Variants in CCKBR observed in about 807,000 individuals in gnomAD.
CCKBR encodes the protein cholecystokinin B receptor, also known as gastrin/cholecystokinin type B receptor.
A neutral mutation model predicts 34.6 loss-of-function variants in CCKBR; 33 were observed. That is an observed-to-expected ratio of 0.95 (90% confidence interval 0.72 to 1.27). The LOEUF is 1.27. Among genes scored for constraint, CCKBR ranks in the 50% most tolerant of loss-of-function variants. CCKBR has a pLI of 0.00. For synonymous variants in CCKBR, 269 were observed against 267.5 expected, an observed-to-expected ratio of 1.01 and a Z score of -0.06; for missense variants, 652 against 617.4, an observed-to-expected ratio of 1.06 and a Z score of -0.59.
intron 1 of CCKBR, 61 bp from the exon 2 acceptor site, chr11:6,269,608 A>T (rs1226064355): frequency 1.9e-6 from 3 of 1,579,626 alleles, no homozygotes. Context: ...AGACGGAAGG[A>T]GGGGGATTTG....
intron 1 of CCKBR, among the ~76,000 whole-genome samples, chr11:6,268,862 A>G (rs1848246651): frequency 6.6e-6 from 1 of 152,262 alleles, no homozygotes; most frequent in Non-Finnish European, 1.5e-5. Context: ...AGTCAATTTG[A>G]GTCTTGACCA....
rs201100175 is a variant in CCKBR at position 6,271,705 on chromosome 11, A to G, written c.*162A>G. 1.5e-5 allele frequency: 10 copies of G among 682,414 alleles called. No individual in the cohort carries two copies. The highest frequency in any genetic ancestry group is 2.4e-5 in the Non-Finnish European group (10 of 415,038). The allele number at this position is 682,414 out of a possible 1,614,324, so 42.3% of individuals were successfully genotyped here. A position where few individuals can be genotyped will look rare whatever the true frequency, so the allele number is the denominator to read the frequency against. ...TAGCTTACCTGACACAAGAGGAATA[A>G]GAATGGAGCAGTACATGGGAAAGGA... On this transcript the variant is annotated 3_prime_UTR_variant, in exon 5 of 5. Coordinates refer to ENST00000334619, the MANE Select transcript of CCKBR (RefSeq NM_176875.4).
At chr11:6,268,291 C>T (rs955905836) in intron 1 of CCKBR, among the ~76,000 whole-genome samples, 3 of 152,176 alleles carry the variant, frequency 2.0e-5, no homozygotes, top group Non-Finnish European at 4.4e-5. Context: ...GGGGCTGCAG[C>T]TTTGAGGCTT....
intron 3 of CCKBR, 86 bp from the exon 4 acceptor site, chr11:6,270,559 GC>G (rs1335071032): frequency 8.2e-6 from 12 of 1,472,012 alleles, no homozygotes; most frequent in Admixed American, 2.0e-5. Context: ...CCTGGCCACA[GC>G]CCTAGAAACA....
At chr11:6,263,986 G>C (rs146269306) in intron 1 of CCKBR, among the ~76,000 whole-genome samples, 44 of 152,118 alleles carry the variant, frequency 2.9e-4, no homozygotes, top group African/African-American at 9.9e-4. Flanking sequence ...ATTAACCCTT[G>C]CTCTTTCAAA....
Position 6,260,043 on chromosome 11 carries a change from T to G in CCKBR, c.115T>G (p.Cys39Gly), listed in dbSNP as rs539605126. Reference protein sequence around the residue: ...LNSSSVGNLSCEPPRIRGAGT... With the variant: ...LNSSSVGNLSGEPPRIRGAGT... ...CAGCAGCAGTGTGGGCAACCTCAGC[T>G]GCGAGCCCCCTCGCATTCGCGGAGC... The change falls in exon 1 of 5, where the codon TGC (cysteine) becomes GGC (glycine). Residue 39 changes from cysteine (C) to glycine (G), a missense_variant. Physicochemically the swap from Cys to Gly is radical, Grantham distance 159. Coordinates refer to ENST00000334619, the MANE Select transcript of CCKBR (RefSeq NM_176875.4). The G allele has an allele frequency of 3.6e-5, 58 of 1,596,322 alleles. No individual in the cohort carries two copies. Among genetic ancestry groups the G allele is most frequent in the Non-Finnish European group, 4.4e-5 (52 of 1,173,376 alleles).
chr11:6,268,769 A>C (rs1234000012), intron 1 of CCKBR, among the ~76,000 whole-genome samples: 3 of 152,224 alleles, frequency 2.0e-5, no homozygotes, highest in Non-Finnish European at 1.5e-5. Flanking sequence ...AATAGGCTGT[A>C]ATAGTTGTGT....
chr11:6,264,632 A>T, intron 1 of CCKBR: 1 of 678,840 alleles, frequency 1.5e-6, no homozygotes, highest in South Asian at 1.6e-5. Context: ...GTACCCCAGC[A>T]GGTGCTATCT....
chr11:6,266,591 G>C lies in CCKBR; in HGVS notation c.152-3078G>C, dbSNP rs116295963. Among the ~76,000 whole-genome samples, 1,189 of 152,282 alleles carry C rather than the reference G, an allele frequency of 7.8e-3. 9 individuals carry two copies. The highest frequency in any genetic ancestry group is 0.027 in the African/African-American group (1,120 of 41,556). Reference sequence around the variant, plus strand: ...AAACAGTAGGAGGCAAAGCACATTAGGGATCAGGGACTTGGCTTCTATTCT... The same window carrying C: ...AAACAGTAGGAGGCAAAGCACATTACGGATCAGGGACTTGGCTTCTATTCT... On this transcript the variant is annotated intron_variant, in intron 1 of 4. Coordinates refer to ENST00000334619, the MANE Select transcript of CCKBR (RefSeq NM_176875.4).
At chr11:6,263,837 C>G (rs910176291) in intron 1 of CCKBR, among the ~76,000 whole-genome samples, 1 of 152,212 alleles carries the variant, frequency 6.6e-6, no homozygotes. Context: ...ACTACCCATA[C>G]ATACTTGGAT....
rs201876764 is a variant in CCKBR, at chr11:6,271,347, C to T, written c.1148C>T (p.Ala383Val). The T allele has an allele frequency of 1.2e-6, 2 of 1,614,176 alleles. No homozygotes were observed. The highest frequency in any genetic ancestry group is 1.7e-6 in the Non-Finnish European group (2 of 1,180,022). ...ATTCACTTGCTGAGCTACGCCTCGG[C>T]CTGTGTCAACCCCCTGGTCTACTGC... ...SFIHLLSYAS[A>V]CVNPLVYCFM... The change falls in exon 5 of 5, where the codon GCC (alanine) becomes GTC (valine). Residue 383 changes from alanine (A) to valine (V), a missense_variant. Transcript: ENST00000334619.
intron 1 of CCKBR, among the ~76,000 whole-genome samples, chr11:6,260,725 T>C (rs1848117304): frequency 6.6e-6 from 1 of 152,214 alleles, no homozygotes; most frequent in Non-Finnish European, 1.5e-5. Context: ...CCCTCTCTCT[T>C]TGTCTGCAAG....
At chr11:6,269,370 G>A in intron 1 of CCKBR, among the ~76,000 whole-genome samples, 1 of 152,140 alleles carries the variant, frequency 6.6e-6, no homozygotes, top group East Asian at 1.9e-4. Flanking sequence ...GGAATGAAGA[G>A]TAAATGAGAA....
At chr11:6,261,489 A>ACACACC (rs1208202787) in intron 1 of CCKBR, among the ~76,000 whole-genome samples, 5 of 147,470 alleles carry the variant, frequency 3.4e-5, no homozygotes, top group African/African-American at 9.9e-5. Flanking sequence ...ACACACACAC[A>ACACACC]CACACACACA....
chr11:6,271,315 C>A lies in CCKBR; in HGVS notation c.1116C>A (p.Ile372=). Residue 372 remains isoleucine, a synonymous_variant, in exon 5 of 5, where the codon ATC becomes ATA. Transcript: ENST00000334619. ...GAHRALSGAP[I]SFIHLLSYAS... Reference sequence around the variant, plus strand: ...ACCGAGCACTCTCGGGTGCTCCTATCTCCTTCATTCACTTGCTGAGCTACG... The same window carrying A: ...ACCGAGCACTCTCGGGTGCTCCTATATCCTTCATTCACTTGCTGAGCTACG... 6.2e-7 allele frequency: 1 copy of A among 1,614,232 alleles called. No homozygotes were observed. Among genetic ancestry groups the A allele is most frequent in the South Asian group, 1.1e-5 (1 of 91,092 alleles).
At chr11:6,270,519 C>T (rs1848283136) in intron 3 of CCKBR, 127 bp from the exon 4 acceptor site, 4 of 1,361,098 alleles carry the variant, frequency 2.9e-6, no homozygotes, top group Admixed American at 2.2e-5. Flanking sequence ...TTCCCAGCGG[C>T]ACCCCCAAAT....
intron 1 of CCKBR, among the ~76,000 whole-genome samples, chr11:6,266,105 G>A (rs1848205537): frequency 6.6e-6 from 1 of 152,178 alleles, no homozygotes; most frequent in Non-Finnish European, 1.5e-5. Flanking sequence ...GGGGAAGACA[G>A]AGAATTACAT....
Position 6,271,097 on chromosome 11 carries a change from TC to T in CCKBR, c.901del (p.Arg301GlyfsTer6). ...SDGCYVQLPR[S>X]RPALELTALT... is the part of the protein sequence containing the mutation. ...TGGCTGCTACGTGCAACTTCCACGTTCCCGGCCTGCCCTGGAGCTGACGGCG... is the reference window on the plus strand; with the variant it reads ...TGGCTGCTACGTGCAACTTCCACGTTCCGGCCTGCCCTGGAGCTGACGGCG... On this transcript the variant is annotated frameshift_variant, in exon 5 of 5. Coordinates refer to ENST00000334619, the MANE Select transcript of CCKBR (RefSeq NM_176875.4). LOFTEE classifies it high-confidence loss of function. The T allele has an allele frequency of 6.2e-7, 1 of 1,614,104 alleles. No individual in the cohort carries two copies. Among genetic ancestry groups the T allele is most frequent in the Non-Finnish European group, 8.5e-7 (1 of 1,180,014 alleles).
At position 6,271,265 on chromosome 11, in the gene CCKBR, C is replaced by T. The variant is rs755245323; in HGVS notation, c.1066C>T (p.Arg356Cys). Reference protein sequence around the residue: ...WLPVYSANTWRAFDGPGAHRA... With the variant: ...WLPVYSANTWCAFDGPGAHRA... Reference sequence around the variant, plus strand: ...GCCAGTTTATAGTGCCAACACGTGGCGCGCCTTTGATGGCCCGGGTGCACA... The same window carrying T: ...GCCAGTTTATAGTGCCAACACGTGGTGCGCCTTTGATGGCCCGGGTGCACA... Residue 356 changes from arginine (R) to cysteine (C), a missense_variant, in exon 5 of 5, where the codon CGC (arginine) becomes TGC (cysteine). Transcript: ENST00000334619. The T allele has an allele frequency of 6.8e-6, 11 of 1,614,084 alleles. No individual in the cohort carries two copies. The African/African-American group carries it at 1.2e-4, about 18-fold the overall frequency.
Sources: allele counts gnomAD v4.1 joint callset (sites outside exome capture counted in the v4.1 genomes callset), GRCh38; gene constraint gnomAD v4.1.1; transcripts MANE v1.5; gene names NCBI Gene and HGNC (gene_info 2026-07-23, HGNC 2026-07-21).